PTCD1: variants seen among roughly 807,000 people sequenced by gnomAD.
The protein encoded by PTCD1 is pentatricopeptide repeat-containing protein 1, mitochondrial.
PTCD1 carries 50 observed loss-of-function variants against 53.4 expected under a neutral mutation model. The observed-to-expected ratio is 0.94, with a 90% CI of 0.75 to 1.19. PTCD1 has a LOEUF of 1.19. PTCD1 is among the 50% of genes most tolerant of loss of function. PTCD1 has a pLI of 0.00. For synonymous variants in PTCD1, 413 were observed against 394.8 expected (o/e 1.05, Z -0.55); for missense variants, 918 against 904.8 (o/e 1.01, Z -0.19).
chr7:99,422,036 G>A (rs1290652217), intron 7 of PTCD1, among the ~76,000 whole-genome samples: 1 of 152,094 alleles, frequency 6.6e-6, no homozygotes, highest in African/African-American at 2.4e-5. Context: ...ACGCCAGAGG[G>A]AAGAGACAAT....
At chr7:99,423,372 G>A (rs1451701648) in intron 7 of PTCD1, among the ~76,000 whole-genome samples, 1 of 152,182 alleles carries the variant, frequency 6.6e-6, no homozygotes, top group African/African-American at 2.4e-5. Context: ...AAGGAACAGA[G>A]TGGGAAGGGG....
At chr7:99,431,383 C>T (rs756927587) in intron 3 of PTCD1, among the ~76,000 whole-genome samples, 6 of 152,082 alleles carry the variant, frequency 3.9e-5, no homozygotes, top group Non-Finnish European at 8.8e-5. Context: ...CCACTTTGGG[C>T]TCCCAAAATG....
Position 99,429,200 on chromosome 7 carries a change from A to G in PTCD1, c.818T>C (p.Ile273Thr). 1 of 1,614,054 alleles carries G rather than the reference A, an allele frequency of 6.2e-7. No individual in the cohort carries two copies. Among genetic ancestry groups the G allele is most frequent in the Non-Finnish European group, 8.5e-7 (1 of 1,179,988 alleles). ...TGTGACCACGTGCCCTTTGTGGATG[A>G]TTTCCTGGGGGAGGGAACAAAGACG... ...LRMCLDVFKE[I>T]IHKGHVVTEE... Residue 273 changes from isoleucine (I) to threonine (T), a missense_variant, in exon 5 of 8, where the codon ATC (isoleucine) becomes ACC (threonine). Coordinates refer to ENST00000292478, the MANE Select transcript of PTCD1 (RefSeq NM_015545.4).
chr7:99,432,024 G>C (rs1043840530), intron 3 of PTCD1, among the ~76,000 whole-genome samples: 1 of 152,132 alleles, frequency 6.6e-6, no homozygotes, highest in Non-Finnish European at 1.5e-5. Flanking sequence ...CTCCAATCTC[G>C]AGTACCCAGG....
Position 99,417,546 on chromosome 7 carries a change from A to T in PTCD1, c.*2421T>A. 1 of 1,612,180 alleles carries T rather than the reference A, an allele frequency of 6.2e-7. No individual in the cohort carries two copies. Among genetic ancestry groups the T allele is most frequent in the Non-Finnish European group, 8.5e-7 (1 of 1,178,610 alleles). ...CGGTGCATTCAGACACGGGACACCA[A>T]CTTCGGGACGAACTGCATCTGCCGC... On this transcript the variant is annotated 3_prime_UTR_variant, in exon 8 of 8. Coordinates refer to ENST00000292478, the MANE Select transcript of PTCD1 (RefSeq NM_015545.4).
chr7:99,419,360 G>A lies in PTCD1; in HGVS notation c.*607C>T, dbSNP rs973186102. On this transcript the variant is annotated 3_prime_UTR_variant, in exon 8 of 8. Coordinates refer to ENST00000292478, the MANE Select transcript of PTCD1 (RefSeq NM_015545.4). ...TGTGCAGGGGCGAGCGTGGCGCAGT[G>A]GCATCGTCTCACTGTCCTCCTCCGT... 1 of 1,611,946 alleles carries A rather than the reference G, an allele frequency of 6.2e-7. No individual in the cohort carries two copies. Among genetic ancestry groups the A allele is most frequent in the Admixed American group, 1.7e-5 (1 of 60,002 alleles).
At position 99,424,969 on chromosome 7, in the gene PTCD1, T is replaced by C. The variant is rs762522588; in HGVS notation, c.1563A>G (p.Thr521=). ...TCTTTCTCACCAGCGTGTTAAAGAA[T>C]GTCAGGTCGGCCTCTACCTGGTGCT... The part of the protein sequence containing the change: ...LDEHQVEADL[T]FFNTLVRKKS... Residue 521 remains threonine, a synonymous_variant, in exon 6 of 8, where the codon ACA becomes ACG. Coordinates refer to ENST00000292478, the MANE Select transcript of PTCD1 (RefSeq NM_015545.4). 1.9e-6 allele frequency: 3 copies of C among 1,614,110 alleles called. No homozygotes were observed. Among genetic ancestry groups the C allele is most frequent in the Non-Finnish European group, 1.7e-6 (2 of 1,180,030 alleles).
intron 1 of PTCD1, among the ~76,000 whole-genome samples, chr7:99,437,593 G>C (rs28464943): frequency 6.6e-6 from 1 of 152,074 alleles, no homozygotes; most frequent in Non-Finnish European, 1.5e-5. Flanking sequence ...GTGAGCCACC[G>C]CGCCCGGCCG....
intron 6 of PTCD1, 33 bp from the exon 7 acceptor site, chr7:99,423,990 A>T (rs753312320): frequency 1.2e-6 from 2 of 1,608,334 alleles, no homozygotes; most frequent in Non-Finnish European, 1.7e-6. Context: ...AATCAAGATG[A>T]TGGCAGCCAT....
intron 1 of PTCD1, 92 bp downstream of exon 1, chr7:99,438,600 C>G: frequency 8.7e-7 from 1 of 1,149,322 alleles, no homozygotes; most frequent in Non-Finnish European, 1.1e-6. Context: ...TCAGACGCCC[C>G]CGGCTCCAAT....
Position 99,425,018 on chromosome 7 carries a change from G to T in PTCD1, c.1514C>A (p.Ser505Tyr). The T allele has an allele frequency of 6.2e-7, 1 of 1,614,224 alleles. No homozygotes were observed. The change falls in exon 6 of 8, where the codon TCC becomes TAC. Residue 505 changes from serine to tyrosine, a missense_variant. Ser to Tyr is a moderately radical substitution (Grantham distance 144). Coordinates refer to ENST00000292478, the MANE Select transcript of PTCD1 (RefSeq NM_015545.4). ...CTCATCCAGGAGGGCCAGCAGCAAGGACTCTGCAGGACTCCCGGACTCCAC... is the reference window on the plus strand; with the variant it reads ...CTCATCCAGGAGGGCCAGCAGCAAGTACTCTGCAGGACTCCCGGACTCCAC... ...EVVESGSPAE[S>Y]LLLALLDEHQ...
chr7:99,435,231 C>T lies in PTCD1; in HGVS notation c.12G>A (p.Val4=), dbSNP rs373379334. MDF[V]RLARLFARAR... ...CCCTGGCGAACAGTCGAGCGAGTCTCACGAAGTCCATTTCTGGCTTTCCTG... is the reference window on the plus strand; with the variant it reads ...CCCTGGCGAACAGTCGAGCGAGTCTTACGAAGTCCATTTCTGGCTTTCCTG... The change falls in exon 2 of 8, where the codon GTG becomes GTA. Residue 4 remains valine (V), a synonymous_variant. Transcript: ENST00000292478. 4 of 1,602,248 alleles carry T rather than the reference C, an allele frequency of 2.5e-6. No homozygotes were observed. The East Asian group carries it at 8.9e-5, about 36-fold the overall frequency.
Position 99,423,724 on chromosome 7 carries a change from G to T in PTCD1, c.1920+51C>A, listed in dbSNP as rs376344427. The T allele has an allele frequency of 3.2e-5, 52 of 1,611,630 alleles. No homozygotes were observed. The African/African-American group carries it at 6.4e-4, about 20-fold the overall frequency. Reference sequence around the variant, plus strand: ...AACCGGGGTTGGGTGGTGGGGGGAGGGGGTAGCAATGGTGAAGGAGCTGAT... The same window carrying T: ...AACCGGGGTTGGGTGGTGGGGGGAGTGGGTAGCAATGGTGAAGGAGCTGAT... On this transcript the variant is annotated intron_variant, in intron 7 of 7. Transcript: ENST00000292478.
At chr7:99,420,237 T>G (rs1250101441) in intron 7 of PTCD1, 88 bp from the exon 8 acceptor site, 9 of 1,583,916 alleles carry the variant, frequency 5.7e-6, no homozygotes, top group Non-Finnish European at 5.2e-6. Context: ...TCAGGGAAGC[T>G]GGTGGCTGCC....
Position 99,419,887 on chromosome 7 carries a change from A to G in PTCD1, c.*80T>C. The G allele has an allele frequency of 1.2e-6, 2 of 1,604,922 alleles. No individual in the cohort carries two copies. Among genetic ancestry groups the G allele is most frequent in the South Asian group, 1.1e-5 (1 of 90,626 alleles). On this transcript the variant is annotated 3_prime_UTR_variant, in exon 8 of 8. Coordinates refer to ENST00000292478, the MANE Select transcript of PTCD1 (RefSeq NM_015545.4). ...TCAGGGCCTGGCTCTTCCCCCAGGC[A>G]GGAGGTGACACCAGCTCACTTGTCC...
In PTCD1 at chr7:99,436,747, C is replaced by T. The variant is rs533369212; in HGVS notation, c.-26-1479G>A. ...TGGCTTTGAACTCAGGTCCATGTAA[C>T]GCATTGATGATTGTCCTGACCAGCA... On this transcript the variant is annotated intron_variant, in intron 1 of 7. Coordinates refer to ENST00000292478, the MANE Select transcript of PTCD1 (RefSeq NM_015545.4). Among the ~76,000 whole-genome samples the T allele has an allele frequency of 1.8e-3, 279 of 152,306 alleles. 1 individual carries two copies. Among genetic ancestry groups the T allele is most frequent in the African/African-American group, 6.3e-3 (262 of 41,570 alleles).
At chr7:99,437,807 G>C (rs1332344471) in intron 1 of PTCD1, among the ~76,000 whole-genome samples, 1 of 152,124 alleles carries the variant, frequency 6.6e-6, no homozygotes, top group Non-Finnish European at 1.5e-5. Context: ...TGGGATTACA[G>C]GAACGCGCCA....
Position 99,418,192 on chromosome 7 carries a change from C to G in PTCD1, c.*1775G>C, listed in dbSNP as rs1423050939. On this transcript the variant is annotated 3_prime_UTR_variant, in exon 8 of 8. Transcript: ENST00000292478. ...ATGTTGCTCAGGCTGGTCTCGAACT[C>G]CCGACCTCAGGTGATCCACCCGCCT... 5.4e-6 allele frequency: 1 copy of G among 184,578 alleles called. No individual in the cohort carries two copies. Among genetic ancestry groups the G allele is most frequent in the East Asian group, 1.8e-4 (1 of 5,568 alleles). The allele number at this position is 184,578 out of a possible 1,614,324, so 11.4% of individuals were successfully genotyped here. A position where few individuals can be genotyped will look rare whatever the true frequency, so the allele number is the denominator to read the frequency against.
At chr7:99,433,933 T>C (rs1175539586) in intron 2 of PTCD1, among the ~76,000 whole-genome samples, 1 of 150,566 alleles carries the variant, frequency 6.6e-6, no homozygotes, top group Non-Finnish European at 1.5e-5. Context: ...ACACCTGTAA[T>C]CCCAGCTACT....
Sources: gnomAD v4.1 joint callset for allele counts (sites outside exome capture counted in the v4.1 genomes callset) on GRCh38, gnomAD v4.1.1 for gene constraint, MANE v1.5 for transcripts, NCBI Gene and HGNC (gene_info 2026-07-23, HGNC 2026-07-21) for gene names.